Variants in PIK3R3 observed in about 807,000 individuals in gnomAD.
The protein encoded by PIK3R3 is phosphoinositide-3-kinase regulatory subunit 3.
Under a neutral mutation model 62.9 loss-of-function variants are expected in PIK3R3, and 64 were observed. The ratio of observed to expected loss-of-function variants is 1.02; its 90% confidence interval spans 0.83 to 1.25. The LOEUF (loss-of-function observed/expected upper bound fraction) is 1.25. Ranked by LOEUF, PIK3R3 falls within the 50% of genes most tolerant of loss-of-function variation. The pLI, the probability that PIK3R3 is intolerant of heterozygous loss-of-function variation, is 0.00. For missense variants in PIK3R3, 614 were observed against 561.6 expected (o/e 1.09, Z -0.94); for synonymous variants, 165 against 189.0 (o/e 0.87, Z 1.04).
chr1:46,073,664 GGCCGGAGT>G (rs1649752724), intron 3 of PIK3R3, among the ~76,000 whole-genome samples: 1 of 152,036 alleles, frequency 6.6e-6, no homozygotes, highest in African/African-American at 2.4e-5. Context: ...CTGTCACCCA[GGCCGGAGT>G]GCAGTGGCGC....
chr1:46,111,284 G>A (rs955904200), intron 1 of PIK3R3, among the ~76,000 whole-genome samples: 1 of 151,980 alleles, frequency 6.6e-6, no homozygotes, highest in African/African-American at 2.4e-5. Flanking sequence ...ATGTCACATA[G>A]TTGGTAAGCA....
chr1:46,081,856 G>A (rs1290051177), intron 1 of PIK3R3, among the ~76,000 whole-genome samples: 1 of 152,122 alleles, frequency 6.6e-6, no homozygotes, highest in African/African-American at 2.4e-5. Context: ...GAATGGGAGA[G>A]GCTATGTTAA....
At chr1:46,062,177 T>C in intron 5 of PIK3R3, 106 bp from the exon 6 acceptor site, 4 of 859,736 alleles carry the variant, frequency 4.7e-6, no homozygotes, top group Non-Finnish European at 7.0e-6. Flanking sequence ...TGTAATCCCA[T>C]ATAACACCTA....
intron 5 of PIK3R3, among the ~76,000 whole-genome samples, chr1:46,063,430 T>C (rs1369950577): frequency 6.6e-6 from 1 of 152,242 alleles, no homozygotes; most frequent in African/African-American, 2.4e-5. Context: ...CCAAATATCT[T>C]GGTACTAATT....
chr1:46,133,465 G>C (rs1655799084), upstream of PIK3R3, among the ~76,000 whole-genome samples: 1 of 152,208 alleles, frequency 6.6e-6, no homozygotes, highest in African/African-American at 2.4e-5. Flanking sequence ...GCGCTCTTCT[G>C]GTCCTTAGGA....
At position 46,052,149 on chromosome 1, in the gene PIK3R3, T is replaced by A. The variant is rs545691117; in HGVS notation, c.941+3646A>T. 7.2e-4 allele frequency among the ~76,000 whole-genome samples: 110 copies of A among 151,820 alleles called. 1 individual carries two copies. Among genetic ancestry groups the A allele is most frequent in the East Asian group, 3.5e-3 (18 of 5,172 alleles). ...TGAGACTCCATCTCAAAAAAAAAAT[T>A]AAATAAAATAAATAACTAAGAATAA... is the stretch of plus-strand genomic sequence containing the variant. On this transcript the variant is annotated intron_variant, in intron 7 of 9. Transcript: ENST00000262741.
the PIK3R3 span, among the ~76,000 whole-genome samples, chr1:46,156,458 C>CAAAA: frequency 1.7e-5 from 1 of 59,766 alleles, no homozygotes; most frequent in Non-Finnish European, 3.9e-5. Context: ...GACTCTGTCT[C>CAAAA]AAAAAAAAAA....
chr1:46,104,941 A>AG, intron 1 of PIK3R3: 1 of 534,998 alleles, frequency 1.9e-6, no homozygotes, highest in East Asian at 3.3e-5. Context: ...AAAAAAAAAA[A>AG]AAAAAAAAAC....
chr1:46,126,844 T>C (rs959644797), intron 1 of PIK3R3, among the ~76,000 whole-genome samples: 20 of 151,998 alleles, frequency 1.3e-4, no homozygotes, highest in African/African-American at 3.6e-4. Flanking sequence ...CTCAGTTATA[T>C]TCTAATACTA....
At chr1:46,077,642 A>G in intron 2 of PIK3R3, 29 bp from the exon 3 acceptor site, 2 of 1,417,056 alleles carry the variant, frequency 1.4e-6, no homozygotes, top group South Asian at 1.1e-5. Context: ...AGAAAAATGA[A>G]AAAATGTCAA....
the PIK3R3 span, among the ~76,000 whole-genome samples, chr1:46,170,170 T>C: frequency 6.6e-6 from 1 of 152,164 alleles, no homozygotes; most frequent in East Asian, 1.9e-4. Flanking sequence ...CATTCCAATA[T>C]GATAAGAAGT....
At chr1:46,096,909 A>G (rs997782098) in intron 1 of PIK3R3, among the ~76,000 whole-genome samples, 1 of 151,762 alleles carries the variant, frequency 6.6e-6, no homozygotes, top group African/African-American at 2.4e-5. Flanking sequence ...CTAAGATCAG[A>G]TAAGTATTCA....
intron 1 of PIK3R3, among the ~76,000 whole-genome samples, chr1:46,113,693 C>T (rs1241917388): frequency 6.6e-6 from 1 of 152,216 alleles, no homozygotes; most frequent in Non-Finnish European, 1.5e-5. Context: ...GTAAACCAAT[C>T]ATTCCCTATT....
chr1:46,072,179 T>C (rs1649599612), intron 3 of PIK3R3, among the ~76,000 whole-genome samples: 1 of 152,232 alleles, frequency 6.6e-6, no homozygotes, highest in South Asian at 2.1e-4. Context: ...TCTCCTGCTA[T>C]TAAACTTTCA....
chr1:46,160,243 G>C, the PIK3R3 span, among the ~76,000 whole-genome samples: 1 of 152,146 alleles, frequency 6.6e-6, no homozygotes, highest in African/African-American at 2.4e-5. Flanking sequence ...AAGACAGTGA[G>C]TACTCCATCC....
intron 1 of PIK3R3, among the ~76,000 whole-genome samples, chr1:46,102,803 TAAAAAAAAAAAAAA>T (rs33975572): frequency 2.3e-4 from 13 of 55,768 alleles, no homozygotes; most frequent in Non-Finnish European, 3.2e-4. Context: ...GTATATATCT[TAAAAAAAAAAAAAA>T]AAAAAAAAAA....
the PIK3R3 span, among the ~76,000 whole-genome samples, chr1:46,139,613 A>G: frequency 2.0e-5 from 3 of 151,994 alleles, no homozygotes; most frequent in Admixed American, 1.3e-4. Context: ...GGCCTTACCC[A>G]TGTGCTTCTA....
chr1:46,080,284 A>T (rs1271298767), intron 2 of PIK3R3, among the ~76,000 whole-genome samples: 1 of 151,270 alleles, frequency 6.6e-6, no homozygotes, highest in Admixed American at 6.6e-5. Flanking sequence ...CTGGTCTCAA[A>T]CTCCTGAGCT....
chr1:46,054,140 T>A (rs1049869677), intron 7 of PIK3R3, among the ~76,000 whole-genome samples: 1 of 152,078 alleles, frequency 6.6e-6, no homozygotes, highest in Non-Finnish European at 1.5e-5. Context: ...ATGCCTATAA[T>A]CCCAGTACTT....
Sources: gnomAD v4.1 joint callset for allele counts (sites outside exome capture counted in the v4.1 genomes callset) on GRCh38, gnomAD v4.1.1 for gene constraint, MANE v1.5 for transcripts, NCBI Gene and HGNC (gene_info 2026-07-23, HGNC 2026-07-21) for gene names.